Variants in KIAA1958 observed in about 807,000 individuals in gnomAD.
The protein encoded by KIAA1958 is KIAA1958, also known as uncharacterized protein KIAA1958.
Under a neutral mutation model 47.2 loss-of-function variants are expected in KIAA1958, and 14 were observed. That is an observed-to-expected ratio of 0.30 (90% CI 0.20 to 0.46). KIAA1958 has a LOEUF of 0.46. Among genes scored for constraint, KIAA1958 ranks in the 20% least tolerant of loss-of-function variants. KIAA1958 has a pLI of 1.00. For synonymous variants in KIAA1958, 354 were observed against 353.3 expected, an observed-to-expected ratio of 1.00 and a Z score of -0.02; for missense variants, 803 against 909.2, an observed-to-expected ratio of 0.88 and a Z score of 1.50.
chr9:112,569,241 C>G (rs1361976860), intron 1 of KIAA1958, among the ~76,000 whole-genome samples: 1 of 152,190 alleles, frequency 6.6e-6, no homozygotes, highest in African/African-American at 2.4e-5. Context: ...CTGTGCCATG[C>G]TTCTGTATTG....
chr9:112,659,019 C>CAAAAAA (rs560013892), intron 3 of KIAA1958, among the ~76,000 whole-genome samples: 24 of 57,720 alleles, frequency 4.2e-4, no homozygotes, highest in South Asian at 8.2e-4. Flanking sequence ...GACTCTGACT[C>CAAAAAA]AAAAAAAAAA....
intron 1 of KIAA1958, among the ~76,000 whole-genome samples, chr9:112,573,268 C>G (rs1046727256): frequency 2.0e-5 from 3 of 152,316 alleles, no homozygotes; most frequent in South Asian, 4.1e-4. Flanking sequence ...AAACACCAGA[C>G]ATACTTTGTA....
Position 112,663,083 on chromosome 9 carries a change from C to T in KIAA1958, c.*3014C>T, listed in dbSNP as rs778284054. The T allele has an allele frequency of 5.9e-5, 9 of 152,186 alleles. No homozygotes were observed. The highest frequency in any genetic ancestry group is 1.2e-4 in the Non-Finnish European group (8 of 68,060). The allele number at this position is 152,186 out of a possible 1,614,324, so 9.4% of individuals were successfully genotyped here. ...CAAGTAGAAATAAATATCAAGAATT[C>T]ACAGGTTGACTGAAGCACAAGTTGC... is the stretch of plus-strand genomic sequence containing the variant. On this transcript the variant is annotated 3_prime_UTR_variant, in exon 4 of 4. Coordinates refer to ENST00000337530, the MANE Select transcript of KIAA1958 (RefSeq NM_133465.4).
chr9:112,513,047 C>G (rs893545883), intron 1 of KIAA1958, among the ~76,000 whole-genome samples: 1 of 137,798 alleles, frequency 7.3e-6, no homozygotes, highest in Non-Finnish European at 1.5e-5. Flanking sequence ...CTCTGTCACC[C>G]AGGCTGGAGT....
rs150471647 is a variant in KIAA1958, at chr9:112,594,017, A to G, written c.1171+18766A>G. On this transcript the variant is annotated intron_variant, in intron 2 of 3. Coordinates refer to ENST00000337530, the MANE Select transcript of KIAA1958 (RefSeq NM_133465.4). ...GCAACTAGGACTACAGGCATGCACT[A>G]CCACATCTGGCTATTTTTATTGTTT... Among the ~76,000 whole-genome samples the G allele has an allele frequency of 9.6e-3, 1,465 of 152,124 alleles. 11 individuals are homozygous for G. Among genetic ancestry groups the G allele is most frequent in the Middle Eastern group, 0.034 (10 of 294 alleles).
rs1236923724 is a variant in KIAA1958 at position 112,667,823 on chromosome 9, A to C, written c.*7754A>C. ...AAGATAATAAGTTGTACAGCAACCT[A>C]CGAGGCTTGATTTAAATAAAACAAT... is the stretch of plus-strand genomic sequence containing the variant. On this transcript the variant is annotated 3_prime_UTR_variant, in exon 4 of 4. Transcript: ENST00000337530. 1 of 152,242 alleles carries C rather than the reference A, an allele frequency of 6.6e-6. No homozygotes were observed. The highest frequency in any genetic ancestry group is 6.5e-5 in the Admixed American group (1 of 15,286). 9.4% of individuals were successfully genotyped at this position (152,242 alleles called of 1,614,324 possible). A position where few individuals can be genotyped will look rare whatever the true frequency, so the allele number is the denominator to read the frequency against.
At position 112,667,205 on chromosome 9, in the gene KIAA1958, A is replaced by G. The variant is rs964471058; in HGVS notation, c.*7136A>G. 6.6e-6 allele frequency: 1 copy of G among 152,226 alleles called. No homozygotes were observed. Among genetic ancestry groups the G allele is most frequent in the Non-Finnish European group, 1.5e-5 (1 of 68,036 alleles). 9.4% of individuals were successfully genotyped at this position (152,226 alleles called of 1,614,324 possible). On this transcript the variant is annotated 3_prime_UTR_variant, in exon 4 of 4. Transcript: ENST00000337530. Reference sequence around the variant, plus strand: ...TAACTGAAAAAGGGATTCAACAAACATTCACATGAACAGGGTCTGGGAAGA... The same window carrying G: ...TAACTGAAAAAGGGATTCAACAAACGTTCACATGAACAGGGTCTGGGAAGA...
At chr9:112,621,000 T>C (rs963102989) in intron 2 of KIAA1958, among the ~76,000 whole-genome samples, 2 of 152,170 alleles carry the variant, frequency 1.3e-5, no homozygotes, top group African/African-American at 4.8e-5. Context: ...TATGGTCAGG[T>C]CAAGATAAGT....
chr9:112,659,320 A>G lies in KIAA1958; in HGVS notation c.1402A>G (p.Ser468Gly). 2.5e-6 allele frequency: 4 copies of G among 1,614,068 alleles called. No homozygotes were observed. The highest frequency in any genetic ancestry group is 3.4e-6 in the Non-Finnish European group (4 of 1,180,028). ...GAACTTTTATGTCACCGTCAAGAAG[A>G]GCGACGGCTCGGACTTCCTGGCCAC... ...LENFYVTVKK[S>G]DGSDFLATSL... The change falls in exon 4 of 4, where the codon AGC becomes GGC. Residue 468 changes from serine (S) to glycine (G), a missense_variant. By Grantham distance (56) the Ser-to-Gly change is moderately conservative. This residue lies in a region of KIAA1958 where 761 missense variants were observed against 829.3 expected (regional missense o/e 0.92). Transcript: ENST00000337530.
rs1251758292 is a variant in KIAA1958, at chr9:112,665,453, A to G, written c.*5384A>G. 6.6e-6 allele frequency: 1 copy of G among 152,224 alleles called. No homozygotes were observed. Among genetic ancestry groups the G allele is most frequent in the Admixed American group, 6.5e-5 (1 of 15,282 alleles). The allele number at this position is 152,224 out of a possible 1,614,324, so 9.4% of individuals were successfully genotyped here. ...AGTTAAAATTCTGAAAATCTCACCG[A>G]TAAGTTGGAGAATTTAAGTTTGTAA... On this transcript the variant is annotated 3_prime_UTR_variant, in exon 4 of 4. Transcript: ENST00000337530.
intron 2 of KIAA1958, among the ~76,000 whole-genome samples, chr9:112,607,875 G>A (rs890575617): frequency 1.3e-5 from 2 of 152,042 alleles, no homozygotes; most frequent in Non-Finnish European, 2.9e-5. Flanking sequence ...ACTAATGTTC[G>A]GGCTTGGGGG....
At chr9:112,657,735 G>C (rs1169233224) in intron 3 of KIAA1958, among the ~76,000 whole-genome samples, 1 of 152,072 alleles carries the variant, frequency 6.6e-6, no homozygotes, top group Non-Finnish European at 1.5e-5. Flanking sequence ...GGGCTGGTTT[G>C]CCCTTCATAG....
At chr9:112,534,853 C>G (rs1834824370) in intron 1 of KIAA1958, among the ~76,000 whole-genome samples, 1 of 152,132 alleles carries the variant, frequency 6.6e-6, no homozygotes, top group Non-Finnish European at 1.5e-5. Context: ...CAATCTTTTT[C>G]TTATTGATTT....
At chr9:112,553,054 C>G (rs1835182750) in intron 1 of KIAA1958, among the ~76,000 whole-genome samples, 2 of 151,912 alleles carry the variant, frequency 1.3e-5, no homozygotes, top group Non-Finnish European at 2.9e-5. Flanking sequence ...ATTCCTTCCC[C>G]CATCCTCTGC....
At chr9:112,488,553 A>G (rs551357833) in intron 1 of KIAA1958, among the ~76,000 whole-genome samples, 12 of 152,184 alleles carry the variant, frequency 7.9e-5, no homozygotes, top group African/African-American at 1.7e-4. Flanking sequence ...TTATATTGAC[A>G]AAGTTAAGTC....
At chr9:112,509,360 C>T (rs1834285936) in intron 1 of KIAA1958, among the ~76,000 whole-genome samples, 1 of 151,946 alleles carries the variant, frequency 6.6e-6, no homozygotes, top group Admixed American at 6.6e-5. Context: ...GCCACCATGC[C>T]CGGCTAATTT....
chr9:112,545,825 G>T (rs868794929), intron 1 of KIAA1958, among the ~76,000 whole-genome samples: 32 of 93,004 alleles, frequency 3.4e-4, no homozygotes, highest in South Asian at 7.0e-4. Context: ...AGGTTTCTTT[G>T]TTTTTTTTTT....
At chr9:112,634,555 A>G (rs1836769420) in intron 2 of KIAA1958, among the ~76,000 whole-genome samples, 1 of 152,124 alleles carries the variant, frequency 6.6e-6, no homozygotes, top group Admixed American at 6.5e-5. Context: ...TAATTGGACT[A>G]TCTCCCTTCT....
At chr9:112,590,019 A>T (rs1450582264) in intron 2 of KIAA1958, among the ~76,000 whole-genome samples, 1 of 152,182 alleles carries the variant, frequency 6.6e-6, no homozygotes, top group Non-Finnish European at 1.5e-5. Context: ...CCATAGTTCC[A>T]ACAGATGACT....
Sources: gnomAD v4.1 joint callset for allele counts (sites outside exome capture counted in the v4.1 genomes callset) on GRCh38, gnomAD v4.1.1 for gene constraint, gnomAD v4.1.1 regional missense constraint, MANE v1.5 for transcripts, NCBI Gene and HGNC (gene_info 2026-07-23, HGNC 2026-07-21) for gene names.